SOX6: variants seen among roughly 807,000 people sequenced by gnomAD.
SOX6 encodes the protein transcription factor SOX-6.
A neutral mutation model predicts 97.8 loss-of-function variants in SOX6; 11 were observed. That is an observed-to-expected ratio of 0.11 (90% confidence interval 0.07 to 0.19). The LOEUF (loss-of-function observed/expected upper bound fraction) is 0.19, where lower values mean the gene tolerates loss of function less well. Ranked by LOEUF, SOX6 falls within the 10% of genes least tolerant of loss-of-function variation. SOX6 has a pLI of 1.00. For missense variants in SOX6, 810 were observed against 1,039.5 expected (o/e 0.78, Z 3.04); for synonymous variants, 360 against 371.4 (o/e 0.97, Z 0.35).
At chr11:16,145,214 G>A (rs1440575950) in intron 6 of SOX6, among the ~76,000 whole-genome samples, 11 of 152,162 alleles carry the variant, frequency 7.2e-5, no homozygotes, top group Non-Finnish European at 1.2e-4. Context: ...ATCAATAAAC[G>A]GAATCCAGCA....
chr11:16,337,815 CCTT>C (rs1231410605), intron 2 of SOX6, among the ~76,000 whole-genome samples: 1 of 152,116 alleles, frequency 6.6e-6, no homozygotes, highest in African/African-American at 2.4e-5. Context: ...TTTCTATTCT[CCTT>C]CTTTGCTTAT....
At chr11:16,120,782 T>C (rs1849470706) in intron 6 of SOX6, among the ~76,000 whole-genome samples, 1 of 152,020 alleles carries the variant, frequency 6.6e-6, no homozygotes, top group South Asian at 2.1e-4. Flanking sequence ...CTACCAAGAG[T>C]AAAACACGCA....
chr11:16,730,956 A>C (rs574417384), intron 2 of SOX6, among the ~76,000 whole-genome samples: 2 of 152,320 alleles, frequency 1.3e-5, no homozygotes, highest in South Asian at 4.1e-4. Flanking sequence ...ACCACCAGAG[A>C]ATACTACAAA....
chr11:16,659,970 C>T (rs1018026243), intron 3 of SOX6, among the ~76,000 whole-genome samples: 1 of 151,956 alleles, frequency 6.6e-6, no homozygotes, highest in Non-Finnish European at 1.5e-5. Flanking sequence ...TATAGTTGGT[C>T]CCACTTTCAT....
At position 16,104,936 on chromosome 11, in the gene SOX6, C is replaced by T. The variant is rs535054990; in HGVS notation, c.898+6867G>A. On this transcript the variant is annotated intron_variant, in intron 7 of 15. Coordinates refer to ENST00000683767, the MANE Select transcript of SOX6 (RefSeq NM_001367873.1). ...TAAGGAAAAGCTCTGGCCTAGATGG[C>T]TTTACCAACGGATTCTGCCAAATGT... Among the ~76,000 whole-genome samples, 4 of 152,024 alleles carry T rather than the reference C, an allele frequency of 2.6e-5. No individual in the cohort carries two copies. The South Asian group carries it at 8.3e-4, about 32-fold the overall frequency.
At chr11:16,487,232 A>G (rs1276010696) in intron 4 of SOX6, among the ~76,000 whole-genome samples, 1 of 152,244 alleles carries the variant, frequency 6.6e-6, no homozygotes, top group African/African-American at 2.4e-5. Context: ...GAAACTAGAC[A>G]TGGAATTTAG....
At chr11:16,084,278 C>T (rs1590185781) in intron 9 of SOX6, among the ~76,000 whole-genome samples, 1 of 152,128 alleles carries the variant, frequency 6.6e-6, no homozygotes, top group South Asian at 2.1e-4. Context: ...GTTCCTATCA[C>T]CTTAAAGTAT....
At chr11:16,085,319 TAA>T (rs59728776) in intron 9 of SOX6, among the ~76,000 whole-genome samples, 9 of 148,756 alleles carry the variant, frequency 6.1e-5, no homozygotes, top group Admixed American at 4.0e-4. Context: ...CTCCTTTTCT[TAA>T]AAAAAAAAAT....
chr11:16,176,070 CGG>C lies in SOX6; in HGVS notation c.777+7814_777+7815del, dbSNP rs1851175979. ...ATGGATGGACGGACAGACGGACGGA[CGG>C]ATGGATGGATGGATGGATGGATGGA... On this transcript the variant is annotated intron_variant, in intron 6 of 15. Coordinates refer to ENST00000683767, the MANE Select transcript of SOX6 (RefSeq NM_001367873.1). Among the ~76,000 whole-genome samples, 15 of 148,422 alleles carry C rather than the reference CGG, an allele frequency of 1.0e-4. No individual in the cohort carries two copies. The East Asian group carries it at 2.2e-3, about 22-fold the overall frequency.
chr11:15,995,008 G>C (rs1854180165), intron 13 of SOX6, among the ~76,000 whole-genome samples: 1 of 152,112 alleles, frequency 6.6e-6, no homozygotes, highest in African/African-American at 2.4e-5. Context: ...TCATAGCATG[G>C]AGTGGCTAGA....
chr11:16,519,352 C>A (rs905214346), intron 4 of SOX6, among the ~76,000 whole-genome samples: 2 of 152,122 alleles, frequency 1.3e-5, no homozygotes, highest in Non-Finnish European at 2.9e-5. Flanking sequence ...CTCTCTCCAA[C>A]CCTCTCCCTT....
chr11:16,727,193 G>C (rs891739264), intron 2 of SOX6, among the ~76,000 whole-genome samples: 1 of 148,002 alleles, frequency 6.8e-6, no homozygotes, highest in Non-Finnish European at 1.5e-5. Flanking sequence ...ATATTTTTGG[G>C]GAAATATGTC....
upstream of SOX6, among the ~76,000 whole-genome samples, chr11:16,359,836 G>T (rs940831721): frequency 1.4e-4 from 22 of 152,164 alleles, no homozygotes; most frequent in Admixed American, 1.2e-3. Context: ...TATGCGACAA[G>T]CTCATTACTT....
At chr11:16,403,161 T>A (rs1019637173) in intron 1 of SOX6, among the ~76,000 whole-genome samples, 1 of 151,616 alleles carries the variant, frequency 6.6e-6, no homozygotes, top group African/African-American at 2.4e-5. Flanking sequence ...GATGAGCTAA[T>A]CGAAATTTGC....
At chr11:15,986,589 C>A (rs532543649) in intron 14 of SOX6, among the ~76,000 whole-genome samples, 169 bp from the exon 15 acceptor site, 41 of 152,144 alleles carry the variant, frequency 2.7e-4, no homozygotes, top group Non-Finnish European at 1.6e-4. Flanking sequence ...ACACAAAGAA[C>A]AATTTTGCGT....
chr11:16,734,026 CAA>C (rs912566097), intron 2 of SOX6, among the ~76,000 whole-genome samples: 105 of 64,916 alleles, frequency 1.6e-3, no homozygotes, highest in South Asian at 5.3e-3. Flanking sequence ...GACTTTGTCT[CAA>C]AAAAAAAAAA....
At chr11:16,319,912 G>A (rs2134304734) in intron 2 of SOX6, among the ~76,000 whole-genome samples, 1 of 151,784 alleles carries the variant, frequency 6.6e-6, no homozygotes, top group East Asian at 1.9e-4. Context: ...TAAAAAAAAG[G>A]ACAGGCTTAT....
At chr11:16,641,937 G>C (rs1230072051) in intron 3 of SOX6, among the ~76,000 whole-genome samples, 3 of 152,172 alleles carry the variant, frequency 2.0e-5, no homozygotes, top group Non-Finnish European at 4.4e-5. Context: ...GTGTGAATTT[G>C]TTCCTGACAT....
intron 6 of SOX6, among the ~76,000 whole-genome samples, chr11:16,114,537 A>T (rs1359306554): frequency 1.3e-5 from 2 of 152,186 alleles, no homozygotes; most frequent in African/African-American, 4.8e-5. Flanking sequence ...CAGGACTAGA[A>T]ATTATCAAAT....
Sources: gnomAD v4.1 joint callset for allele counts (sites outside exome capture counted in the v4.1 genomes callset) on GRCh38, gnomAD v4.1.1 for gene constraint, MANE v1.5 for transcripts, NCBI Gene and HGNC (gene_info 2026-07-23, HGNC 2026-07-21) for gene names.